The following ELFN1 variants were observed in gnomAD, a reference collection of about 807,000 sequenced individuals.
The protein encoded by ELFN1 is extracellular leucine rich repeat and fibronectin type III domain containing 1, also known as protein ELFN1.
A neutral mutation model predicts 7.6 loss-of-function variants in ELFN1; 6 were observed. The ratio of observed to expected loss-of-function variants is 0.79; its 90% CI spans 0.43 to 1.56. The LOEUF is 1.56. ELFN1 is among the 40% of genes most tolerant of loss of function. The probability of loss-of-function intolerance (pLI) is 0.01; values close to 1 mark genes in which losing one functional copy is unlikely to be tolerated. For synonymous variants in ELFN1, 657 were observed against 588.1 expected, an observed-to-expected ratio of 1.12 and a Z score of -1.70; for missense variants, 1,169 against 1,232.2, an observed-to-expected ratio of 0.95 and a Z score of 0.77.
At chr7:1,727,168 A>G (rs1253079194) in intron 3 of ELFN1, among the ~76,000 whole-genome samples, 1 of 152,172 alleles carries the variant, frequency 6.6e-6, no homozygotes. Context: ...TACCAAGTGA[A>G]TGAATGATTG....
Position 1,744,475 on chromosome 7 carries a change from A to G in ELFN1, c.-122A>G, listed in dbSNP as rs745740013. 2.3e-5 allele frequency: 27 copies of G among 1,182,778 alleles called. No individual in the cohort carries two copies. Among genetic ancestry groups the G allele is most frequent in the Non-Finnish European group, 2.8e-5 (25 of 880,488 alleles). 73.3% of individuals were successfully genotyped at this position (1,182,778 alleles called of 1,614,324 possible). ...GCGCGGCCATGCGGTTTGGGACAGG[A>G]CACCCCTGAGAGTGCAGGCACCTCC... is the stretch of plus-strand genomic sequence containing the variant. On this transcript the variant is annotated 5_prime_UTR_variant, in exon 4 of 4. Transcript: ENST00000424383.
At chr7:1,693,722 C>G (rs1779231819) in intron 2 of ELFN1, 1 of 470,870 alleles carries the variant, frequency 2.1e-6, no homozygotes, top group South Asian at 1.5e-5. Context: ...CACTCACCCT[C>G]CCGCTCGTCC....
At chr7:1,728,420 G>A (rs966191833) in intron 3 of ELFN1, among the ~76,000 whole-genome samples, 5 of 152,364 alleles carry the variant, frequency 3.3e-5, no homozygotes, top group Admixed American at 6.5e-5. Context: ...TCTGAGATGC[G>A]GAGGGTTTGC....
rs761199660 is a variant in ELFN1, at chr7:1,693,744, C to T, written c.-456+5594C>T. The T allele has an allele frequency of 9.3e-5, 44 of 470,932 alleles. 1 individual carries two copies. The highest frequency in any genetic ancestry group is 6.3e-4 in the South Asian group (41 of 64,570). The allele number at this position is 470,932 out of a possible 1,614,324, so 29.2% of individuals were successfully genotyped here. On this transcript the variant is annotated intron_variant, in intron 2 of 3. Transcript: ENST00000424383. The stretch of plus-strand genomic sequence containing the variant: ...CCTCCCGCTCGTCCCCATGGCAACC[C>T]CAGAGCAGGTGTCTGGGAGACCCTG...
intron 3 of ELFN1, among the ~76,000 whole-genome samples, chr7:1,711,612 GAGAGAGAGAGAGAGAA>G (rs1779658204): frequency 6.7e-6 from 1 of 150,192 alleles, no homozygotes; most frequent in African/African-American, 2.5e-5. Flanking sequence ...GAGAGAGAGA[GAGAGAGAGAGAGAGAA>G]TGAGACAAGG....
chr7:1,677,183 G>A (rs541883230), intron 1 of ELFN1, among the ~76,000 whole-genome samples: 1 of 152,340 alleles, frequency 6.6e-6, no homozygotes, highest in Admixed American at 6.5e-5. Flanking sequence ...CTGTGGAGAG[G>A]AAGGTTGTGC....
chr7:1,729,624 C>T (rs928138059), intron 3 of ELFN1, among the ~76,000 whole-genome samples: 2 of 152,228 alleles, frequency 1.3e-5, no homozygotes, highest in Admixed American at 6.5e-5. Flanking sequence ...AAGGCTGTCT[C>T]AGGCCAGCCC....
In ELFN1 at chr7:1,747,338, G is replaced by A. The variant is rs1438453977; in HGVS notation, c.*255G>A. On this transcript the variant is annotated 3_prime_UTR_variant, in exon 4 of 4. Coordinates refer to ENST00000424383, the MANE Select transcript of ELFN1 (RefSeq NM_001128636.4). ...CACACACACACACACACACACACGA[G>A]GGACTTCGGAAAACTGTGTCTTAGG... 4.9e-6 allele frequency: 1 copy of A among 204,246 alleles called. No homozygotes were observed. Among genetic ancestry groups the A allele is most frequent in the Non-Finnish European group, 8.9e-6 (1 of 112,218 alleles). The allele number at this position is 204,246 out of a possible 1,614,324, so 12.7% of individuals were successfully genotyped here.
chr7:1,679,179 G>A (rs11763676), intron 1 of ELFN1, among the ~76,000 whole-genome samples: 72,278 of 150,324 alleles, frequency 0.48, 17,436 homozygotes, highest in East Asian at 0.61. Flanking sequence ...ACGTACGCGC[G>A]CACACACACA....
chr7:1,679,724 C>T (rs1230206107), intron 1 of ELFN1, among the ~76,000 whole-genome samples: 1 of 152,188 alleles, frequency 6.6e-6, no homozygotes, highest in Admixed American at 6.5e-5. Context: ...GCCTGGATGC[C>T]ATGGTGCTCA....
At chr7:1,738,060 A>C (rs186669197) in intron 3 of ELFN1, among the ~76,000 whole-genome samples, 3 of 152,064 alleles carry the variant, frequency 2.0e-5, no homozygotes, top group Non-Finnish European at 2.9e-5. Context: ...CGACAAGCAG[A>C]CCTCGCCAGC....
chr7:1,711,961 C>T (rs1383428862), intron 3 of ELFN1, among the ~76,000 whole-genome samples: 1 of 152,248 alleles, frequency 6.6e-6, no homozygotes, highest in African/African-American at 2.4e-5. Context: ...GCCCACAGGG[C>T]TGCGGCAGAG....
intron 3 of ELFN1, among the ~76,000 whole-genome samples, chr7:1,731,734 C>T (rs895520810): frequency 5.9e-5 from 9 of 152,216 alleles, no homozygotes; most frequent in African/African-American, 2.2e-4. Context: ...TCACTGCAAT[C>T]TCCGCAGGAG....
At chr7:1,730,993 A>G (rs1021301959) in intron 3 of ELFN1, among the ~76,000 whole-genome samples, 3 of 152,246 alleles carry the variant, frequency 2.0e-5, no homozygotes, top group Admixed American at 6.5e-5. Context: ...ATACAAATCA[A>G]TAACTTTTCT....
At chr7:1,668,500 G>A (rs1408609293), upstream of ELFN1, among the ~76,000 whole-genome samples, 7 of 152,224 alleles carry the variant, frequency 4.6e-5, no homozygotes, top group African/African-American at 1.4e-4. Flanking sequence ...GCTGGGGCCC[G>A]GAGCCCGGTG....
chr7:1,694,059 C>T (rs1779244083), intron 2 of ELFN1: 1 of 315,114 alleles, frequency 3.2e-6, no homozygotes. Flanking sequence ...GCAGGGAGCG[C>T]CCAGTCTGTG....
chr7:1,680,120 C>T lies in ELFN1; in HGVS notation c.-548-7938C>T, dbSNP rs143831895. ...GTGGACATTCTCCGATGCTGGGCTC[C>T]GTGGTCTGGATACGAAAGCAAAACA... On this transcript the variant is annotated intron_variant, in intron 1 of 3. Coordinates refer to ENST00000424383, the MANE Select transcript of ELFN1 (RefSeq NM_001128636.4). Among the ~76,000 whole-genome samples the T allele has an allele frequency of 9.2e-3, 1,409 of 152,326 alleles. 14 individuals carry two copies. Among genetic ancestry groups the T allele is most frequent in the African/African-American group, 0.022 (921 of 41,572 alleles).
intron 3 of ELFN1, among the ~76,000 whole-genome samples, chr7:1,732,435 A>G (rs1356928274): frequency 6.6e-6 from 1 of 152,078 alleles, no homozygotes; most frequent in African/African-American, 2.4e-5. Flanking sequence ...GGGTAGGAGG[A>G]GAGGCAGGAG....
chr7:1,678,843 C>T (rs549199811), intron 1 of ELFN1, among the ~76,000 whole-genome samples: 44 of 152,330 alleles, frequency 2.9e-4, no homozygotes, highest in East Asian at 7.7e-4. Context: ...GGCACAGCAG[C>T]GAAATCGGGA....
Sources: gnomAD v4.1 joint callset for allele counts (sites outside exome capture counted in the v4.1 genomes callset) on GRCh38, gnomAD v4.1.1 for gene constraint, MANE v1.5 for transcripts, NCBI Gene and HGNC (gene_info 2026-07-23, HGNC 2026-07-21) for gene names.